MDN1: variants seen among roughly 807,000 people sequenced by gnomAD.
MDN1 encodes midasin AAA ATPase 1.
Under a neutral mutation model 669.2 loss-of-function variants are expected in MDN1, and 266 were observed. The ratio of observed to expected loss-of-function variants is 0.40; its 90% CI spans 0.36 to 0.44. MDN1 has a LOEUF of 0.44. Among genes scored for constraint, MDN1 ranks in the 20% least tolerant of loss-of-function variants. MDN1 has a pLI of 1.00. For synonymous variants in MDN1, 2,385 were observed against 2,457.1 expected, an observed-to-expected ratio of 0.97 and a Z score of 0.87; for missense variants, 5,940 against 6,754.0, an observed-to-expected ratio of 0.88 and a Z score of 4.22.
At chr6:89,787,649 T>G (rs1275784913) in intron 8 of MDN1, among the ~76,000 whole-genome samples, 1 of 113,000 alleles carries the variant, frequency 8.8e-6, no homozygotes, top group Non-Finnish European at 1.8e-5. Flanking sequence ...TGGTTACTTA[T>G]TTTTAAGTCG....
intron 40 of MDN1, among the ~76,000 whole-genome samples, chr6:89,721,980 C>G (rs1226540479): frequency 6.6e-5 from 10 of 152,114 alleles, no homozygotes; most frequent in African/African-American, 1.7e-4. Flanking sequence ...TAGAAGGAAA[C>G]AGCAGACAAA....
In MDN1 at chr6:89,689,874, CA is replaced by C; in HGVS notation, c.11018del (p.Leu3673ArgfsTer6). On this transcript the variant is annotated frameshift_variant, in exon 65 of 102. Transcript: ENST00000369393. LOFTEE classifies it high-confidence loss of function. ...GASLVTHFYPLMGVELNDRLL... is the reference protein window; with the variant it reads ...GASLVTHFYPXMGVELNDRLL... Reference sequence around the variant, plus strand: ...AACAAAAGTAAACTACCATACCCATCAGGGGGTAGAAGTGTGTCACAAGCGA... The same window carrying C: ...AACAAAAGTAAACTACCATACCCATCGGGGGTAGAAGTGTGTCACAAGCGA... The C allele has an allele frequency of 6.2e-7, 1 of 1,613,776 alleles. No homozygotes were observed. The highest frequency in any genetic ancestry group is 8.5e-7 in the Non-Finnish European group (1 of 1,179,894).
intron 1 of MDN1, among the ~76,000 whole-genome samples, chr6:89,812,391 C>T (rs1419339810): frequency 6.6e-6 from 1 of 152,060 alleles, no homozygotes; most frequent in African/African-American, 2.4e-5. Flanking sequence ...TGCACCCGGC[C>T]AGGAAAAAAT....
chr6:89,727,274 C>T (rs1277639328), intron 37 of MDN1, among the ~76,000 whole-genome samples: 2 of 152,164 alleles, frequency 1.3e-5, no homozygotes, highest in Non-Finnish European at 2.9e-5. Context: ...CTAATCATTT[C>T]AGCTCCACAA....
chr6:89,747,540 A>T (rs1816698456), intron 26 of MDN1, 70 bp from the exon 27 acceptor site: 13 of 1,427,056 alleles, frequency 9.1e-6, no homozygotes, highest in Non-Finnish European at 1.2e-5. Flanking sequence ...AGTACAATGC[A>T]TATAAAATTC....
chr6:89,715,646 C>T lies in MDN1; in HGVS notation c.6860+7G>A, dbSNP rs2128312563. The T allele has an allele frequency of 6.4e-7, 1 of 1,560,742 alleles. No individual in the cohort carries two copies. Among genetic ancestry groups the T allele is most frequent in the Non-Finnish European group, 8.8e-7 (1 of 1,131,460 alleles). On this transcript the variant is annotated splice_region_variant and intron_variant, in intron 45 of 101. Transcript: ENST00000369393. ...TTCTGAGGCAGAAATGTAAGAGATA[C>T]AAATACCTGAAATTGGGATTTGGTG...
At chr6:89,653,749 G>A (rs1200074977) in intron 93 of MDN1, among the ~76,000 whole-genome samples, 1 of 152,214 alleles carries the variant, frequency 6.6e-6, no homozygotes, top group Admixed American at 6.5e-5. Context: ...GGTTAGCTAT[G>A]AAAGGGAAAC....
intron 40 of MDN1, 102 bp downstream of exon 40, chr6:89,722,846 CAAAAAAA>C (rs34376900): frequency 2.9e-6 from 2 of 690,426 alleles, no homozygotes; most frequent in Non-Finnish European, 2.1e-6. Context: ...AACCCAGTCT[CAAAAAAA>C]AAAAAAAAAA....
At chr6:89,779,538 G>A (rs1818543494) in intron 11 of MDN1, among the ~76,000 whole-genome samples, 1 of 152,178 alleles carries the variant, frequency 6.6e-6, no homozygotes, top group South Asian at 2.1e-4. Context: ...AAAGTAGAGG[G>A]ATCGGATAGT....
chr6:89,754,901 T>C (rs570735663), intron 20 of MDN1, among the ~76,000 whole-genome samples: 1 of 152,212 alleles, frequency 6.6e-6, no homozygotes, highest in Non-Finnish European at 1.5e-5. Flanking sequence ...CAAAATATTT[T>C]TGTAGATAGC....
Position 89,650,142 on chromosome 6 carries a change from G to A in MDN1, c.16088C>T (p.Ala5363Val). ...AATCTTGTCTTTCCGAAATTGACTA[G>A]CAATGTATGGAATGACTTTCCGTAT... ...LNIRKVIPYIASQFRKDKIWL... is the reference protein window; with the variant it reads ...LNIRKVIPYIVSQFRKDKIWL... Residue 5363 changes from alanine to valine, a missense_variant, in exon 97 of 102, where the codon GCT becomes GTT. Coordinates refer to ENST00000369393, the MANE Select transcript of MDN1 (RefSeq NM_014611.3). The A allele has an allele frequency of 6.2e-7, 1 of 1,614,136 alleles. No homozygotes were observed. Among genetic ancestry groups the A allele is most frequent in the Non-Finnish European group, 8.5e-7 (1 of 1,180,026 alleles).
At chr6:89,772,532 G>T in intron 14 of MDN1, 41 bp downstream of exon 14, 1 of 1,592,990 alleles carries the variant, frequency 6.3e-7, no homozygotes, top group Non-Finnish European at 8.6e-7. Context: ...AGTAGTCAGT[G>T]TGAAATATCT....
Position 89,753,626 on chromosome 6 carries a change from GAAAGA to G in MDN1, c.2965-9_2965-5del. 1 of 1,599,008 alleles carries G rather than the reference GAAAGA, an allele frequency of 6.3e-7. No individual in the cohort carries two copies. Among genetic ancestry groups the G allele is most frequent in the Non-Finnish European group, 8.6e-7 (1 of 1,166,382 alleles). On this transcript the variant is annotated splice_region_variant and splice_polypyrimidine_tract_variant and intron_variant, in intron 21 of 101. Transcript: ENST00000369393. ...TTAAGAAACCCAAACAAAAACCCTA[GAAAGA>G]AAAGACAAATATGCATAATGCTAAA...
chr6:89,758,718 G>T, intron 18 of MDN1, 98 bp downstream of exon 18: 1 of 1,276,938 alleles, frequency 7.8e-7, no homozygotes, highest in Non-Finnish European at 1.1e-6. Context: ...CCATTGGGAG[G>T]CCCATGTCAT....
rs376852964 is a variant in MDN1, at chr6:89,790,255, G to A, written c.1002C>T (p.Gly334=). 4 of 1,613,942 alleles carry A rather than the reference G, an allele frequency of 2.5e-6. No homozygotes were observed. In the African/African-American group the frequency reaches 5.3e-5, roughly 22 times the overall value. ...CTAAATATTCAACTAAGGAAGTTTTGCCACATCCTATTGGTCCTTCCAACA... is the reference window on the plus strand; with the variant it reads ...CTAAATATTCAACTAAGGAAGTTTTACCACATCCTATTGGTCCTTCCAACA... ...AVLLEGPIGC[G]KTSLVEYLAA... Residue 334 remains glycine (G), a synonymous_variant, in exon 6 of 102, where the codon GGC becomes GGT. Transcript: ENST00000369393.
chr6:89,759,049 G>T, intron 17 of MDN1, 89 bp from the exon 18 acceptor site: 1 of 1,355,994 alleles, frequency 7.4e-7, no homozygotes, highest in Non-Finnish European at 1.0e-6. Context: ...TAGAAATAGA[G>T]GCGGGGCAAA....
intron 89 of MDN1, 42 bp from the exon 90 acceptor site, chr6:89,658,412 G>C (rs1394077796): frequency 2.5e-6 from 4 of 1,611,752 alleles, no homozygotes; most frequent in Non-Finnish European, 2.5e-6. Flanking sequence ...TGCTCTGGGG[G>C]AACAGCATAA....
Position 89,743,358 on chromosome 6 carries a change from C to G in MDN1, c.4318-78G>C. 3 of 1,565,656 alleles carry G rather than the reference C, an allele frequency of 1.9e-6. No homozygotes were observed. In the South Asian group the frequency reaches 3.4e-5, roughly 18 times the overall value. ...TATACATGCAGCTGGCTGGTGTTTCCAGGGGTGAAGTAGGCATTCTGAGGA... is the reference window on the plus strand; with the variant it reads ...TATACATGCAGCTGGCTGGTGTTTCGAGGGGTGAAGTAGGCATTCTGAGGA... On this transcript the variant is annotated intron_variant, in intron 30 of 101. Transcript: ENST00000369393.
At chr6:89,731,408 T>C (rs373714078) in intron 34 of MDN1, among the ~76,000 whole-genome samples, 10 of 152,252 alleles carry the variant, frequency 6.6e-5, no homozygotes, top group African/African-American at 2.2e-4. Flanking sequence ...GTGGCACATA[T>C]ACAGCATGGA....
Sources: gnomAD v4.1 joint callset for allele counts (sites outside exome capture counted in the v4.1 genomes callset) on GRCh38, gnomAD v4.1.1 for gene constraint, MANE v1.5 for transcripts, NCBI Gene and HGNC (gene_info 2026-07-23, HGNC 2026-07-21) for gene names.